DGKK: variants seen among roughly 807,000 people sequenced by gnomAD.
DGKK encodes the protein 142 kDa diacylglycerol kinase.
Under a neutral mutation model 92.2 loss-of-function variants are expected in DGKK, and 35 were observed. The ratio of observed to expected loss-of-function variants is 0.38; its 90% CI spans 0.29 to 0.50. The LOEUF (loss-of-function observed/expected upper bound fraction) is 0.50. Ranked by LOEUF, DGKK falls within the 20% of genes least tolerant of loss-of-function variation. The pLI is 0.92. For missense variants in DGKK, 910 were observed against 992.2 expected, an observed-to-expected ratio of 0.92 and a Z score of 1.11; for synonymous variants, 368 against 360.6, an observed-to-expected ratio of 1.02 and a Z score of -0.23.
chrX:50,380,267 G>C (rs1169687247), intron 18 of DGKK, among the ~76,000 whole-genome samples, 190 bp from the exon 19 acceptor site: 1 of 111,511 alleles, frequency 9.0e-6, no homozygotes, highest in Non-Finnish European at 1.9e-5. Context: ...TGGGTTCCTG[G>C]GCCCCTTTGA....
chrX:50,451,065 A>G (rs1235061847), intron 1 of DGKK, among the ~76,000 whole-genome samples: 8 of 111,346 alleles, frequency 7.2e-5, no homozygotes, highest in Admixed American at 2.9e-4. Flanking sequence ...ATTCAGAACA[A>G]CTCTAATCAA....
At chrX:50,450,861 T>C (rs2147148431) in intron 1 of DGKK, among the ~76,000 whole-genome samples, 1 of 111,786 alleles carries the variant, frequency 8.9e-6, no homozygotes, top group African/African-American at 3.2e-5. Flanking sequence ...GTAGCCAAAC[T>C]TGATATCAGA....
At chrX:50,375,139 C>T (rs1557223700) in intron 24 of DGKK, 82 bp from the exon 25 acceptor site, 18 of 753,086 alleles carry the variant, frequency 2.4e-5, no homozygotes, top group South Asian at 1.7e-4. Flanking sequence ...CTGTCTTCTC[C>T]GTGGGAAGGT....
chrX:50,379,819 T>C, intron 19 of DGKK, 85 bp from the exon 20 acceptor site: 5 of 939,412 alleles, frequency 5.3e-6, no homozygotes, highest in Non-Finnish European at 7.6e-6. Context: ...AAGGGCTCTG[T>C]CTTCTCTTCC....
intron 8 of DGKK, among the ~76,000 whole-genome samples, 193 bp downstream of exon 8, chrX:50,400,844 A>G (rs1924982862): frequency 9.0e-6 from 1 of 111,276 alleles, no homozygotes; most frequent in African/African-American, 3.3e-5. Flanking sequence ...ACATACATAT[A>G]CACCAGAAAG....
intron 4 of DGKK, among the ~76,000 whole-genome samples, chrX:50,416,230 G>A: frequency 8.9e-6 from 1 of 111,897 alleles, no homozygotes; most frequent in Non-Finnish European, 1.9e-5. Context: ...TGTTGCTTAA[G>A]CCACCTAGTC....
Position 50,459,792 on chromosome X carries a change from A to G in DGKK, c.645+10242T>C, listed in dbSNP as rs149836622. On this transcript the variant is annotated intron_variant, in intron 1 of 27. Coordinates refer to ENST00000611977, the MANE Select transcript of DGKK (RefSeq NM_001013742.4). ...GGGTAAGAGAAAAGTTGTTTTACTC[A>G]AGCTCTGCAGGAGGGAAATTGTCAC... Among the ~76,000 whole-genome samples the G allele has an allele frequency of 2.3e-3, 261 of 111,593 alleles. 1 individual carries two copies. The highest frequency in any genetic ancestry group is 8.2e-3 in the African/African-American group (254 of 30,793).
At chrX:50,375,500 C>A (rs1557223730) in intron 24 of DGKK, among the ~76,000 whole-genome samples, 1 of 111,773 alleles carries the variant, frequency 8.9e-6, no homozygotes, top group East Asian at 2.8e-4. Context: ...TAATCAGGCC[C>A]TGACACAATT....
At chrX:50,425,461 T>C (rs1925713956) in intron 1 of DGKK, among the ~76,000 whole-genome samples, 1 of 110,734 alleles carries the variant, frequency 9.0e-6, no homozygotes, top group African/African-American at 3.3e-5. Flanking sequence ...GGTGCCTGAC[T>C]CCAGCAGGAA....
chrX:50,428,129 A>G (rs2147139172), intron 1 of DGKK, among the ~76,000 whole-genome samples: 1 of 110,431 alleles, frequency 9.1e-6, no homozygotes, highest in East Asian at 2.9e-4. Flanking sequence ...TGTGTCTACC[A>G]GTGGAGATGA....
At chrX:50,447,881 A>T (rs781943137) in intron 1 of DGKK, among the ~76,000 whole-genome samples, 117 of 110,402 alleles carry the variant, frequency 1.1e-3, no homozygotes, top group African/African-American at 3.6e-3. Context: ...TATTTTTTTT[A>T]AAAAAGGAGC....
At chrX:50,383,791 C>T (rs781855958) in intron 17 of DGKK, among the ~76,000 whole-genome samples, 1 of 111,992 alleles carries the variant, frequency 8.9e-6, no homozygotes, top group East Asian at 2.8e-4. Context: ...TTAGTATCTT[C>T]AACCATTTAC....
At chrX:50,395,185 A>G (rs1217062448) in intron 8 of DGKK, among the ~76,000 whole-genome samples, 4 of 111,557 alleles carry the variant, frequency 3.6e-5, no homozygotes, top group Non-Finnish European at 7.5e-5. Context: ...AAAGTAGTCA[A>G]AAGGTGTTAA....
At chrX:50,369,888 C>T (rs1034708787) in intron 27 of DGKK, among the ~76,000 whole-genome samples, 1 of 110,911 alleles carries the variant, frequency 9.0e-6, no homozygotes, top group Admixed American at 9.6e-5. Context: ...TACTGCATCT[C>T]TCAAGCTTCC....
chrX:50,392,128 G>A (rs1025244517), intron 10 of DGKK, among the ~76,000 whole-genome samples: 4 of 112,387 alleles, frequency 3.6e-5, no homozygotes, highest in Non-Finnish European at 5.6e-5. Flanking sequence ...AGCACTGCTC[G>A]TTCTTTCTGT....
chrX:50,382,789 A>C (rs781823526), intron 17 of DGKK, among the ~76,000 whole-genome samples, 186 bp from the exon 18 acceptor site: 9 of 111,922 alleles, frequency 8.0e-5, no homozygotes, highest in African/African-American at 2.9e-4. Flanking sequence ...CTAGCTTATT[A>C]GCTGTAAGAG....
chrX:50,390,355 C>A lies in DGKK; in HGVS notation c.1899G>T (p.Gln633His). 1 of 1,211,414 alleles carries A rather than the reference C, an allele frequency of 8.3e-7. No individual in the cohort carries two copies. The change falls in exon 12 of 28, where the codon CAG becomes CAT. Residue 633 changes from glutamine (Q) to histidine (H), a missense_variant. Coordinates refer to ENST00000611977, the MANE Select transcript of DGKK (RefSeq NM_001013742.4). ...CAAATCGTGGTACATCCATTTCAACCTGTCCTTTTAGCAGCGGGGTTTGTC... is the reference window on the plus strand; with the variant it reads ...CAAATCGTGGTACATCCATTTCAACATGTCCTTTTAGCAGCGGGGTTTGTC... ...TPRQTPLLKGQVEMDVPRFEA... is the reference protein window; with the variant it reads ...TPRQTPLLKGHVEMDVPRFEA...
At chrX:50,414,023 A>G (rs781958611) in intron 4 of DGKK, among the ~76,000 whole-genome samples, 4 of 112,406 alleles carry the variant, frequency 3.6e-5, no homozygotes, top group Admixed American at 9.4e-5. Flanking sequence ...AATGCTATTC[A>G]GCATTAAAGA....
chrX:50,382,630 A>T lies in DGKK; in HGVS notation c.2550-27T>A, dbSNP rs187259548. The T allele has an allele frequency of 2.3e-3, 2,553 of 1,115,138 alleles. 6 individuals are homozygous for T. Among genetic ancestry groups the T allele is most frequent in the South Asian group, 5.3e-3 (267 of 50,835 alleles). 91.9% of individuals were successfully genotyped at this position (1,115,138 alleles called of 1,213,427 possible). A position where few individuals can be genotyped will look rare whatever the true frequency, so the allele number is the denominator to read the frequency against. On this transcript the variant is annotated intron_variant, in intron 17 of 27. Transcript: ENST00000611977. Reference sequence around the variant, plus strand: ...TGAAATTATTCAAAGAAGAGGACAGACATTGGTGCAGGAAAGAAGTGCCGC... The same window carrying T: ...TGAAATTATTCAAAGAAGAGGACAGTCATTGGTGCAGGAAAGAAGTGCCGC...
Sources: gnomAD v4.1 joint callset for allele counts (sites outside exome capture counted in the v4.1 genomes callset) on GRCh38, gnomAD v4.1.1 for gene constraint, MANE v1.5 for transcripts, NCBI Gene and HGNC (gene_info 2026-07-23, HGNC 2026-07-21) for gene names.